Variants in TJP1 observed in about 807,000 individuals in gnomAD.
TJP1 encodes tight junction protein 1, also known as tight junction protein ZO-1.
In TJP1, 43 loss-of-function variants were observed where a neutral mutation model predicts 194.2. The observed-to-expected ratio is 0.22, with a 90% CI of 0.17 to 0.29. The LOEUF (loss-of-function observed/expected upper bound fraction) is 0.29, where lower values mean the gene tolerates loss of function less well. Ranked by LOEUF, TJP1 falls within the 10% of genes least tolerant of loss-of-function variation. The pLI is 1.00. For missense variants in TJP1, 1,971 were observed against 2,185.7 expected (o/e 0.90, Z 1.96); for synonymous variants, 801 against 779.0 (o/e 1.03, Z -0.47).
At chr15:29,768,077 ACTT>A (rs2046432731) in intron 4 of TJP1, among the ~76,000 whole-genome samples, 1 of 152,090 alleles carries the variant, frequency 6.6e-6, no homozygotes, top group Non-Finnish European at 1.5e-5. Context: ...ATGTGCCTAA[ACTT>A]CTTCAAAGGG....
chr15:29,727,986 C>A lies in TJP1; in HGVS notation c.2051G>T (p.Arg684Leu). Residue 684 changes from arginine to leucine, a missense_variant, in exon 16 of 28, where the codon CGT (arginine) becomes CTT (leucine). Physicochemically the swap from Arg to Leu is moderately radical, Grantham distance 102. Transcript: ENST00000614355. ...SEPRDAGTDQ[R>L]SSGIIRLHTI... ...ATGCAGGCGAATAATGCCAGAGCTA[C>A]GTTGGTCAGTTCCAGCGTCTCGTGG... The A allele has an allele frequency of 1.2e-6, 2 of 1,614,074 alleles. No individual in the cohort carries two copies. The highest frequency in any genetic ancestry group is 1.7e-6 in the Non-Finnish European group (2 of 1,180,000).
intron 2 of TJP1, among the ~76,000 whole-genome samples, chr15:29,861,415 T>C (rs1019199035): frequency 2.6e-5 from 4 of 152,144 alleles, no homozygotes; most frequent in African/African-American, 9.7e-5. Context: ...ATGAGGGAGG[T>C]TGCAATTTTT....
At chr15:29,818,178 A>G (rs1384769399) in intron 1 of TJP1, among the ~76,000 whole-genome samples, 1 of 152,230 alleles carries the variant, frequency 6.6e-6, no homozygotes, top group African/African-American at 2.4e-5. Flanking sequence ...TAACAAAAAC[A>G]TTTAAGTATT....
chr15:29,726,541 C>A, intron 17 of TJP1, 62 bp from the exon 18 acceptor site: 1 of 1,484,278 alleles, frequency 6.7e-7, no homozygotes, highest in South Asian at 1.2e-5. Context: ...AGAATTAATT[C>A]AACCCTGCTT....
intron 27 of TJP1, among the ~76,000 whole-genome samples, chr15:29,702,092 C>CTT (rs200847680): frequency 8.8e-4 from 128 of 145,992 alleles, no homozygotes; most frequent in East Asian, 6.5e-3. Context: ...ATCAGTAGCA[C>CTT]TTTTTTTTTT....
intron 1 of TJP1, among the ~76,000 whole-genome samples, chr15:29,965,851 T>C (rs1285142708): frequency 6.6e-6 from 1 of 152,214 alleles, no homozygotes; most frequent in Admixed American, 6.5e-5. Context: ...CCTTTGCCGC[T>C]GTAGAATCAG....
chr15:29,964,961 T>C (rs2056281552), intron 1 of TJP1, among the ~76,000 whole-genome samples: 1 of 152,098 alleles, frequency 6.6e-6, no homozygotes, highest in Admixed American at 6.6e-5. Flanking sequence ...CTTACGAGAT[T>C]TGTAGAGCCA....
At chr15:29,851,682 T>A (rs1249894501) in intron 2 of TJP1, among the ~76,000 whole-genome samples, 2 of 152,234 alleles carry the variant, frequency 1.3e-5, no homozygotes, top group African/African-American at 2.4e-5. Context: ...GAAATCAGTC[T>A]TCTGGATTTC....
chr15:29,699,967 C>T (rs528985206), downstream of TJP1: 3 of 257,684 alleles, frequency 1.2e-5, no homozygotes, highest in South Asian at 5.2e-4. Flanking sequence ...TCAGTCTGAG[C>T]CCTTCAGATG....
intron 27 of TJP1, among the ~76,000 whole-genome samples, 197 bp from the exon 28 acceptor site, chr15:29,701,886 C>T (rs1464469191): frequency 1.3e-5 from 2 of 152,218 alleles, no homozygotes; most frequent in African/African-American, 4.8e-5. Flanking sequence ...GTGTTTCACA[C>T]TTCTAAAAAA....
At chr15:29,762,250 G>A in intron 6 of TJP1, 85 bp downstream of exon 6, 1 of 1,125,314 alleles carries the variant, frequency 8.9e-7, no homozygotes, top group Non-Finnish European at 1.3e-6. Context: ...TGGCAAAACT[G>A]CTTCAAACAA....
intron 11 of TJP1, among the ~76,000 whole-genome samples, chr15:29,735,588 G>GAAAAA (rs79594334): frequency 1.1e-5 from 1 of 91,658 alleles, no homozygotes. Context: ...CTGTCTCAAG[G>GAAAAA]AAAAAAAAAA....
intron 18 of TJP1, among the ~76,000 whole-genome samples, chr15:29,723,370 T>TA (rs1224909939): frequency 6.6e-6 from 1 of 152,176 alleles, no homozygotes; most frequent in East Asian, 1.9e-4. Context: ...TCTGTCTGTT[T>TA]AAAAGTGTGT....
intron 2 of TJP1, among the ~76,000 whole-genome samples, chr15:29,841,718 T>C (rs1283851515): frequency 6.6e-6 from 1 of 151,992 alleles, no homozygotes; most frequent in East Asian, 1.9e-4. Flanking sequence ...TTCCTCCTCC[T>C]CCCTCCCTCC....
At chr15:29,726,206 T>C (rs45505896) in intron 18 of TJP1, among the ~76,000 whole-genome samples, 173 bp downstream of exon 18, 2,082 of 152,288 alleles carry the variant, frequency 0.014, 58 homozygotes, top group East Asian at 0.097. Context: ...TCTCTTACCA[T>C]CAGAAACAAC....
At chr15:29,855,533 A>T (rs1439084545) in intron 2 of TJP1, among the ~76,000 whole-genome samples, 2 of 152,156 alleles carry the variant, frequency 1.3e-5, no homozygotes, top group Non-Finnish European at 2.9e-5. Flanking sequence ...TATCATAATT[A>T]AAAAAATAAA....
In TJP1 at chr15:29,822,032, GTC is replaced by G. The variant is rs1435883664; in HGVS notation, c.-6_-5del. 1.5e-6 allele frequency: 2 copies of G among 1,352,110 alleles called. No homozygotes were observed. Among genetic ancestry groups the G allele is most frequent in the African/African-American group, 1.5e-5 (1 of 66,646 alleles). The allele number at this position is 1,352,110 out of a possible 1,614,324, so 83.8% of individuals were successfully genotyped here. ...CGGCCGCAGCTCTGGCGGACATCTT[GTC>G]TCTCTCCAGCGCCGCGCGAGGCTCC... is the stretch of plus-strand genomic sequence containing the variant. On this transcript the variant is annotated 5_prime_UTR_variant, in exon 1 of 28. Coordinates refer to ENST00000614355, the MANE Select transcript of TJP1 (RefSeq NM_001330239.4).
chr15:29,882,518 T>C (rs2052972465), intron 2 of TJP1, among the ~76,000 whole-genome samples: 1 of 152,128 alleles, frequency 6.6e-6, no homozygotes, highest in Non-Finnish European at 1.5e-5. Flanking sequence ...GGCCACAAAA[T>C]GACCAGGAGG....
At chr15:29,705,769 G>A (rs558893751) in intron 25 of TJP1, 24 bp from the exon 26 acceptor site, 4 of 1,605,732 alleles carry the variant, frequency 2.5e-6, no homozygotes, top group African/African-American at 1.3e-5. Context: ...AATGGCTAGT[G>A]AGTGAATTCC....
Sources: allele counts gnomAD v4.1 joint callset (sites outside exome capture counted in the v4.1 genomes callset), GRCh38; gene constraint gnomAD v4.1.1; transcripts MANE v1.5; gene names NCBI Gene and HGNC (gene_info 2026-07-23, HGNC 2026-07-21).